Variants in AP2B1 observed in about 807,000 individuals in gnomAD.
The protein encoded by AP2B1 is adaptor related protein complex 2 subunit beta 1, also known as AP-2 complex subunit beta.
AP2B1 carries 23 observed loss-of-function variants against 102.0 expected under a neutral mutation model. The observed-to-expected ratio is 0.23, with a 90% CI of 0.16 to 0.32. The LOEUF (loss-of-function observed/expected upper bound fraction) is 0.32. Ranked by LOEUF, AP2B1 falls within the 10% of genes least tolerant of loss-of-function variation. The pLI is 1.00. For missense variants in AP2B1, 541 were observed against 1,157.4 expected (o/e 0.47, Z 7.73); for synonymous variants, 381 against 421.2 (o/e 0.90, Z 1.17).
intron 5 of AP2B1, among the ~76,000 whole-genome samples, chr17:35,614,028 T>C (rs922875025): frequency 1.3e-5 from 2 of 152,188 alleles, no homozygotes; most frequent in African/African-American, 4.8e-5. Flanking sequence ...TTTGAATGAA[T>C]GATAGTATTC....
chr17:35,632,948 T>C (rs1415701997), intron 9 of AP2B1, among the ~76,000 whole-genome samples: 1 of 151,842 alleles, frequency 6.6e-6, no homozygotes. Flanking sequence ...TTAATAAATA[T>C]AGCATATTTA....
intron 12 of AP2B1, among the ~76,000 whole-genome samples, chr17:35,648,743 A>ATGTGTGT (rs2075008037): frequency 6.1e-5 from 9 of 148,590 alleles, no homozygotes; most frequent in Admixed American, 5.4e-4. Context: ...ATATGAAATA[A>ATGTGTGT]GTGTGTGTGT....
chr17:35,627,255 T>C (rs1272674184), intron 7 of AP2B1, 130 bp from the exon 8 acceptor site: 1 of 447,110 alleles, frequency 2.2e-6, no homozygotes, highest in Non-Finnish European at 3.4e-6. Context: ...CTTTTTTTTT[T>C]TTTTTTTTTT....
chr17:35,716,272 A>G (rs2076549077), intron 20 of AP2B1, among the ~76,000 whole-genome samples: 1 of 152,248 alleles, frequency 6.6e-6, no homozygotes, highest in African/African-American at 2.4e-5. Flanking sequence ...TCAACAAAGA[A>G]GCAGTGCTTG....
intron 9 of AP2B1, among the ~76,000 whole-genome samples, chr17:35,629,911 T>C (rs2074416658): frequency 1.3e-5 from 2 of 152,218 alleles, no homozygotes; most frequent in African/African-American, 4.8e-5. Context: ...TTTGTCCTCA[T>C]TCAGAAATTT....
intron 14 of AP2B1, among the ~76,000 whole-genome samples, chr17:35,658,419 A>G (rs1451979773): frequency 2.6e-5 from 4 of 152,110 alleles, no homozygotes; most frequent in Admixed American, 2.6e-4. Context: ...TTCTAATACT[A>G]AAAGGCTCCA....
intron 12 of AP2B1, among the ~76,000 whole-genome samples, chr17:35,647,589 A>G (rs1045159762): frequency 1.3e-5 from 2 of 152,210 alleles, no homozygotes; most frequent in Admixed American, 6.5e-5. Flanking sequence ...GATAAAATTT[A>G]CTGTTTTAAT....
chr17:35,655,162 T>G (rs1479918729), intron 13 of AP2B1, among the ~76,000 whole-genome samples: 1 of 152,222 alleles, frequency 6.6e-6, no homozygotes, highest in African/African-American at 2.4e-5. Flanking sequence ...ATATTAACAT[T>G]ATTGCTTCTA....
At chr17:35,677,708 T>C (rs1054025918) in intron 17 of AP2B1, among the ~76,000 whole-genome samples, 1 of 152,172 alleles carries the variant, frequency 6.6e-6, no homozygotes, top group Non-Finnish European at 1.5e-5. Context: ...AATTGACATC[T>C]AAACAATATT....
At chr17:35,641,752 T>G in intron 11 of AP2B1, 125 bp from the exon 12 acceptor site, 1 of 581,740 alleles carries the variant, frequency 1.7e-6, no homozygotes, top group Non-Finnish European at 2.9e-6. Flanking sequence ...CAGCCTTTTG[T>G]CTCTTAACCA....
chr17:35,704,050 T>C (rs749777564), intron 18 of AP2B1, among the ~76,000 whole-genome samples: 1 of 152,188 alleles, frequency 6.6e-6, no homozygotes, highest in Non-Finnish European at 1.5e-5. Context: ...AACAAGAAAC[T>C]GTCTTTCTCT....
In AP2B1 at chr17:35,718,691, A is replaced by G. The variant is rs1310552308; in HGVS notation, c.2781+1342A>G. On this transcript the variant is annotated intron_variant, in intron 21 of 21. Coordinates refer to ENST00000610402, the MANE Select transcript of AP2B1 (RefSeq NM_001030006.2). ...AGTGAGACCTTGTCTCAATTGGAAGAAAAAAAGGGTTGGGGGGAGAATAAC... is the reference window on the plus strand; with the variant it reads ...AGTGAGACCTTGTCTCAATTGGAAGGAAAAAAGGGTTGGGGGGAGAATAAC... Among the ~76,000 whole-genome samples, 5 of 152,174 alleles carry G rather than the reference A, an allele frequency of 3.3e-5. No homozygotes were observed. In the East Asian group the frequency reaches 7.7e-4, roughly 23 times the overall value.
chr17:35,587,954 C>T (rs559925612), intron 1 of AP2B1: 1 of 152,180 alleles, frequency 6.6e-6, no homozygotes, highest in South Asian at 2.1e-4. Flanking sequence ...ATCTTGACCA[C>T]CTGGGGAAAG....
chr17:35,640,469 C>G (rs925080677), intron 11 of AP2B1, among the ~76,000 whole-genome samples: 1 of 152,048 alleles, frequency 6.6e-6, no homozygotes, highest in African/African-American at 2.4e-5. Context: ...AACTCCTGAC[C>G]TTAGGCGATC....
At chr17:35,629,132 A>G (rs1054723430) in intron 9 of AP2B1, among the ~76,000 whole-genome samples, 4 of 152,090 alleles carry the variant, frequency 2.6e-5, no homozygotes, top group Non-Finnish European at 5.9e-5. Flanking sequence ...TATTTTTAGT[A>G]GAGACGAGGT....
intron 18 of AP2B1, among the ~76,000 whole-genome samples, chr17:35,704,979 C>G (rs371601354): frequency 2.0e-5 from 3 of 151,992 alleles, no homozygotes; most frequent in Non-Finnish European, 2.9e-5. Context: ...TGCAGTGAGC[C>G]GAGATCGCGC....
intron 17 of AP2B1, among the ~76,000 whole-genome samples, chr17:35,681,841 A>G (rs2075828853): frequency 6.6e-6 from 1 of 152,268 alleles, no homozygotes; most frequent in African/African-American, 2.4e-5. Context: ...CTAGCAAAGC[A>G]GTTCTGCACT....
chr17:35,677,721 G>C (rs1044753429), intron 17 of AP2B1, among the ~76,000 whole-genome samples: 2 of 152,008 alleles, frequency 1.3e-5, no homozygotes, highest in Non-Finnish European at 2.9e-5. Flanking sequence ...ACAATATTGA[G>C]TCTTCTAATC....
rs187685887 is a variant in AP2B1 at position 35,644,221 on chromosome 17, A to T, written c.1536+2246A>T. ...TGCCCATGGTCTTGTCCACTGTGCT[A>T]TGCTTCCTCTCTAGTCTGAAGGTTA... On this transcript the variant is annotated intron_variant, in intron 12 of 21. Transcript: ENST00000610402. 4.6e-5 allele frequency among the ~76,000 whole-genome samples: 7 copies of T among 152,318 alleles called. No homozygotes were observed. In the East Asian group the frequency reaches 1.2e-3, roughly 25 times the overall value.
Sources: allele counts gnomAD v4.1 joint callset (sites outside exome capture counted in the v4.1 genomes callset), GRCh38; gene constraint gnomAD v4.1.1; transcripts MANE v1.5; gene names NCBI Gene and HGNC (gene_info 2026-07-23, HGNC 2026-07-21).